ADGRB3: variants seen among roughly 807,000 people sequenced by gnomAD.
ADGRB3 encodes the protein brain-specific angiogenesis inhibitor 3.
ADGRB3 carries 37 observed loss-of-function variants against 193.4 expected under a neutral mutation model. The ratio of observed to expected loss-of-function variants is 0.19; its 90% confidence interval spans 0.15 to 0.25. The LOEUF is 0.25. Among genes scored for constraint, ADGRB3 ranks in the 10% least tolerant of loss-of-function variants. The probability of loss-of-function intolerance (pLI) is 1.00; values close to 1 mark genes in which losing one functional copy is unlikely to be tolerated. For synonymous variants in ADGRB3, 690 were observed against 644.2 expected, an observed-to-expected ratio of 1.07 and a Z score of -1.08; for missense variants, 1,637 against 1,852.9, an observed-to-expected ratio of 0.88 and a Z score of 2.14.
chr6:69,212,634 T>A (rs2127241183), intron 17 of ADGRB3, among the ~76,000 whole-genome samples: 1 of 152,278 alleles, frequency 6.6e-6, no homozygotes, highest in East Asian at 1.9e-4. Context: ...CTTCCTTGAT[T>A]TGGTAGGCAG....
chr6:68,704,785 G>C (rs1331872886), intron 3 of ADGRB3, among the ~76,000 whole-genome samples: 1 of 152,146 alleles, frequency 6.6e-6, no homozygotes, highest in African/African-American at 2.4e-5. Flanking sequence ...TTCCATCAAT[G>C]AAAGTAAAAT....
chr6:69,100,264 C>G lies in ADGRB3; in HGVS notation c.2480+24226C>G, dbSNP rs77342580. On this transcript the variant is annotated intron_variant, in intron 17 of 31. Transcript: ENST00000370598. ...TTATATATTCACGCTTTCTATTAAT[C>G]TTCTTACTTTTTGGTTTTGACTTTT... Among the ~76,000 whole-genome samples, 4 of 152,180 alleles carry G rather than the reference C, an allele frequency of 2.6e-5. No homozygotes were observed. The East Asian group carries it at 7.7e-4, about 29-fold the overall frequency.
chr6:68,858,848 C>T (rs1405104948), intron 3 of ADGRB3, among the ~76,000 whole-genome samples: 1 of 152,158 alleles, frequency 6.6e-6, no homozygotes, highest in Non-Finnish European at 1.5e-5. Flanking sequence ...ATTGTTTTCT[C>T]CTGACCCTTT....
intron 8 of ADGRB3, among the ~76,000 whole-genome samples, chr6:68,960,353 A>G (rs1300071389): frequency 1.3e-5 from 2 of 152,184 alleles, no homozygotes; most frequent in Non-Finnish European, 2.9e-5. Flanking sequence ...AACTTAGACC[A>G]GAAATGTAGG....
intron 3 of ADGRB3, among the ~76,000 whole-genome samples, chr6:68,819,172 G>A (rs929286042): frequency 1.3e-5 from 2 of 151,790 alleles, no homozygotes; most frequent in Non-Finnish European, 2.9e-5. Context: ...TTGCTTGTTA[G>A]TTAGATGTAT....
intron 17 of ADGRB3, among the ~76,000 whole-genome samples, chr6:69,100,742 A>G (rs188890965): frequency 1.4e-4 from 21 of 150,512 alleles, no homozygotes; most frequent in Non-Finnish European, 2.5e-4. Flanking sequence ...TTTACCCTTT[A>G]AAGCCTTTAA....
At chr6:68,745,357 G>T (rs1766062922) in intron 3 of ADGRB3, among the ~76,000 whole-genome samples, 1 of 152,100 alleles carries the variant, frequency 6.6e-6, no homozygotes, top group South Asian at 2.1e-4. Flanking sequence ...AAAATATATT[G>T]TATGATTCCA....
rs905727683 is a variant in ADGRB3 at position 69,368,149 on chromosome 6, A to T, written c.4240-4257A>T. Among the ~76,000 whole-genome samples, 5 of 151,426 alleles carry T rather than the reference A, an allele frequency of 3.3e-5. No individual in the cohort carries two copies. The East Asian group carries it at 7.7e-4, about 23-fold the overall frequency. The stretch of plus-strand genomic sequence containing the variant: ...ACCCTAAAACTTAAAGTATAATATT[A>T]AAAAAAAAGATTGTCACAATGATTT... On this transcript the variant is annotated intron_variant, in intron 29 of 31. Transcript: ENST00000370598.
chr6:68,647,598 T>A (rs1768247510), intron 3 of ADGRB3, among the ~76,000 whole-genome samples: 1 of 152,200 alleles, frequency 6.6e-6, no homozygotes, highest in Admixed American at 6.5e-5. Context: ...AACATCTCAA[T>A]ACCTTTGTGT....
At chr6:69,122,488 A>AGGGGGAG (rs1190254869) in intron 17 of ADGRB3, among the ~76,000 whole-genome samples, 4 of 2,168 alleles carry the variant, frequency 1.8e-3, no homozygotes, top group Non-Finnish European at 2.8e-3. Flanking sequence ...GGGAGGGGGG[A>AGGGGGAG]GGGGGAGGGG....
intron 11 of ADGRB3, among the ~76,000 whole-genome samples, chr6:68,998,934 C>G (rs1679044194): frequency 6.6e-6 from 1 of 152,120 alleles, no homozygotes; most frequent in Non-Finnish European, 1.5e-5. Context: ...TGTATTTTAT[C>G]CTGGCTTAGA....
chr6:68,660,434 T>A (rs943227254), intron 3 of ADGRB3, among the ~76,000 whole-genome samples: 1 of 150,866 alleles, frequency 6.6e-6, no homozygotes, highest in African/African-American at 2.4e-5. Flanking sequence ...CTTTTCTAAG[T>A]TAATTTTAAA....
intron 4 of ADGRB3, among the ~76,000 whole-genome samples, chr6:68,932,497 C>T (rs1214282822): frequency 6.6e-6 from 1 of 151,564 alleles, no homozygotes; most frequent in East Asian, 1.9e-4. Context: ...TTATTTTAAC[C>T]AAATATAGTA....
chr6:68,912,485 A>AT (rs1218908289), intron 3 of ADGRB3, among the ~76,000 whole-genome samples: 1 of 151,946 alleles, frequency 6.6e-6, no homozygotes, highest in East Asian at 1.9e-4. Context: ...ATCATTTAGC[A>AT]TTAGGTATAT....
At chr6:69,223,656 T>G (rs867092266) in intron 17 of ADGRB3, among the ~76,000 whole-genome samples, 2 of 136,374 alleles carry the variant, frequency 1.5e-5, no homozygotes, top group Admixed American at 1.5e-4. Flanking sequence ...CTCTCTCTTT[T>G]TTTTTTTTTT....
chr6:68,648,286 G>T (rs1441383607), intron 3 of ADGRB3, among the ~76,000 whole-genome samples: 1 of 152,058 alleles, frequency 6.6e-6, no homozygotes, highest in African/African-American at 2.4e-5. Flanking sequence ...CCTATAACCA[G>T]TCCCTATCAC....
At chr6:68,886,918 A>G (rs1375562252) in intron 3 of ADGRB3, among the ~76,000 whole-genome samples, 2 of 151,820 alleles carry the variant, frequency 1.3e-5, no homozygotes, top group African/African-American at 4.8e-5. Flanking sequence ...TCATCCCTAT[A>G]ACTTCAATGA....
chr6:69,044,264 C>T (rs897797728), intron 13 of ADGRB3, among the ~76,000 whole-genome samples: 1 of 152,158 alleles, frequency 6.6e-6, no homozygotes, highest in African/African-American at 2.4e-5. Context: ...ATTCTCGCTC[C>T]TAGACTTTTT....
intron 17 of ADGRB3, among the ~76,000 whole-genome samples, chr6:69,189,600 T>G (rs1381405018): frequency 6.6e-6 from 1 of 152,244 alleles, no homozygotes; most frequent in African/African-American, 2.4e-5. Flanking sequence ...AAATGCCATC[T>G]AGTTCAATAT....
Sources: allele counts gnomAD v4.1 joint callset (sites outside exome capture counted in the v4.1 genomes callset), GRCh38; gene constraint gnomAD v4.1.1; transcripts MANE v1.5; gene names NCBI Gene and HGNC (gene_info 2026-07-23, HGNC 2026-07-21).